PPARGC1A: variants seen among roughly 807,000 people sequenced by gnomAD.
The protein encoded by PPARGC1A is PPARG coactivator 1 alpha, also known as peroxisome proliferator-activated receptor gamma coactivator 1-alpha.
A neutral mutation model predicts 88.7 loss-of-function variants in PPARGC1A; 25 were observed. That is an observed-to-expected ratio of 0.28 (90% CI 0.21 to 0.39). The LOEUF is 0.39. Among genes scored for constraint, PPARGC1A ranks in the 10% least tolerant of loss-of-function variants. PPARGC1A has a pLI of 1.00. For missense variants in PPARGC1A, 880 were observed against 968.7 expected (o/e 0.91, Z 1.22); for synonymous variants, 363 against 355.6 (o/e 1.02, Z -0.24).
At chr4:24,322,797 G>A in the PPARGC1A span, among the ~76,000 whole-genome samples, 109 of 152,288 alleles carry the variant, frequency 7.2e-4, no homozygotes, top group African/African-American at 2.2e-3. Flanking sequence ...ACTAGCCCAC[G>A]ACTGCTTACT....
At chr4:23,802,854 G>A (rs2109354789) in intron 10 of PPARGC1A, among the ~76,000 whole-genome samples, 1 of 152,070 alleles carries the variant, frequency 6.6e-6, no homozygotes, top group Middle Eastern at 3.4e-3. Context: ...ATCTCTTCTT[G>A]CTCACATAGA....
chr4:24,031,714 G>C, the PPARGC1A span, among the ~76,000 whole-genome samples: 1 of 152,014 alleles, frequency 6.6e-6, no homozygotes. Context: ...AATGTCCCTG[G>C]GTGGGAAACA....
the PPARGC1A span, among the ~76,000 whole-genome samples, chr4:23,940,082 A>G: frequency 6.6e-6 from 1 of 152,204 alleles, no homozygotes; most frequent in African/African-American, 2.4e-5. Context: ...TAATTTATAC[A>G]AATTTGTAAA....
At chr4:24,292,055 G>A in the PPARGC1A span, among the ~76,000 whole-genome samples, 1 of 152,126 alleles carries the variant, frequency 6.6e-6, no homozygotes, top group African/African-American at 2.4e-5. Flanking sequence ...AGAAGAAGGT[G>A]GAGAGACAGA....
the PPARGC1A span, among the ~76,000 whole-genome samples, chr4:24,227,444 A>G: frequency 5.9e-5 from 9 of 152,226 alleles, no homozygotes; most frequent in African/African-American, 2.2e-4. Context: ...TGTAAAACGA[A>G]TATAGAATAA....
At chr4:23,998,062 T>C in the PPARGC1A span, among the ~76,000 whole-genome samples, 2 of 152,164 alleles carry the variant, frequency 1.3e-5, no homozygotes, top group East Asian at 3.9e-4. Context: ...TCCAAATGAA[T>C]TGGCTAATAC....
chr4:24,031,686 A>T, the PPARGC1A span, among the ~76,000 whole-genome samples: 5 of 152,324 alleles, frequency 3.3e-5, no homozygotes, highest in East Asian at 1.9e-4. Context: ...ACTAGATAAC[A>T]GTAGCACCCC....
Position 23,814,618 on chromosome 4 carries a change from T to TA in PPARGC1A, c.878-14_878-13insT. 4.2e-6 allele frequency: 5 copies of TA among 1,187,598 alleles called. No individual in the cohort carries two copies. Among genetic ancestry groups the TA allele is most frequent in the East Asian group, 3.1e-5 (1 of 32,050 alleles). The allele number at this position is 1,187,598 out of a possible 1,614,324, so 73.6% of individuals were successfully genotyped here. On this transcript the variant is annotated splice_polypyrimidine_tract_variant and intron_variant, in intron 7 of 12. Coordinates refer to ENST00000264867, the MANE Select transcript of PPARGC1A (RefSeq NM_013261.5). ...GGTGGAGTTAGGCCTAAGGCAAAAATTAAAAAAAAAAAAAAAAAGAGAGAG... is the reference window on the plus strand; with the variant it reads ...GGTGGAGTTAGGCCTAAGGCAAAAATATAAAAAAAAAAAAAAAAAGAGAGAG...
chr4:24,287,524 GA>G, the PPARGC1A span, among the ~76,000 whole-genome samples: 4 of 151,400 alleles, frequency 2.6e-5, no homozygotes, highest in Admixed American at 1.3e-4. Context: ...GGAGTGCTGA[GA>G]AAAAAAAATC....
chr4:23,833,418 G>C (rs1349216009), intron 2 of PPARGC1A, among the ~76,000 whole-genome samples: 1 of 152,048 alleles, frequency 6.6e-6, no homozygotes, highest in Non-Finnish European at 1.5e-5. Context: ...ATCTTCTTTT[G>C]AAAGTTCTGT....
the PPARGC1A span, among the ~76,000 whole-genome samples, chr4:24,362,947 G>A: frequency 1.3e-5 from 2 of 152,286 alleles, no homozygotes; most frequent in African/African-American, 2.4e-5. Flanking sequence ...CAGAAACATC[G>A]TAAGAACTTA....
the PPARGC1A span, among the ~76,000 whole-genome samples, chr4:24,380,450 C>T: frequency 6.6e-6 from 1 of 152,136 alleles, no homozygotes; most frequent in Admixed American, 6.5e-5. Context: ...TTATGGAAGA[C>T]CTTGATTACT....
At chr4:24,137,149 G>T in the PPARGC1A span, among the ~76,000 whole-genome samples, 3 of 149,992 alleles carry the variant, frequency 2.0e-5, no homozygotes, top group Admixed American at 1.3e-4. Flanking sequence ...AAGATAAAAT[G>T]AAGACATATG....
chr4:24,155,484 C>G, the PPARGC1A span, among the ~76,000 whole-genome samples: 25 of 151,738 alleles, frequency 1.6e-4, no homozygotes, highest in Non-Finnish European at 3.1e-4. Context: ...ACCTGTAGTC[C>G]CAGCTACTCA....
the PPARGC1A span, among the ~76,000 whole-genome samples, chr4:24,265,873 A>G: frequency 6.6e-6 from 1 of 151,362 alleles, no homozygotes; most frequent in Non-Finnish European, 1.5e-5. Context: ...GAAGGAAGAA[A>G]GGGAGGGAGG....
In PPARGC1A at chr4:23,794,703, T is replaced by C. The variant is rs1450027216; in HGVS notation, c.*1119A>G. The C allele has an allele frequency of 6.6e-6, 1 of 152,538 alleles. No individual in the cohort carries two copies. The highest frequency in any genetic ancestry group is 2.4e-5 in the African/African-American group (1 of 41,450). The allele number at this position is 152,538 out of a possible 1,614,324, so 9.4% of individuals were successfully genotyped here. The stretch of plus-strand genomic sequence containing the variant: ...AACAAAAAAGAACATTGTTGTATAG[T>C]ATATACATAAAATAAAAATACTCCA... On this transcript the variant is annotated 3_prime_UTR_variant, in exon 13 of 13. Coordinates refer to ENST00000264867, the MANE Select transcript of PPARGC1A (RefSeq NM_013261.5).
At chr4:23,885,055 C>T (rs1716627778) in intron 1 of PPARGC1A, 124 bp from the exon 2 acceptor site, 1 of 825,886 alleles carries the variant, frequency 1.2e-6, no homozygotes, top group Non-Finnish European at 1.7e-6. Context: ...AAGCTAGTTT[C>T]TGGCACTTTA....
intron 1 of PPARGC1A, chr4:23,889,443 G>T (rs59074268): frequency 2.2e-6 from 2 of 898,162 alleles, no homozygotes; most frequent in Non-Finnish European, 2.7e-6. Flanking sequence ...TGAACAGAGA[G>T]AGAGGGGGGA....
chr4:24,098,596 T>C, the PPARGC1A span, among the ~76,000 whole-genome samples: 45 of 152,318 alleles, frequency 3.0e-4, no homozygotes, highest in African/African-American at 8.7e-4. Flanking sequence ...AATACTTAAG[T>C]GTACTTATAT....
Sources: allele counts gnomAD v4.1 joint callset (sites outside exome capture counted in the v4.1 genomes callset), GRCh38; gene constraint gnomAD v4.1.1; transcripts MANE v1.5; gene names NCBI Gene and HGNC (gene_info 2026-07-23, HGNC 2026-07-21).